The following DGAT2L6 variants were observed in gnomAD, a reference collection of about 807,000 sequenced individuals.
The protein encoded by DGAT2L6 is diacylglycerol O-acyltransferase 2-like protein 6.
DGAT2L6 carries 22 observed loss-of-function variants against 25.5 expected under a neutral mutation model. The observed-to-expected ratio is 0.86, with a 90% CI of 0.62 to 1.23. The LOEUF (loss-of-function observed/expected upper bound fraction) is 1.23, where lower values mean the gene tolerates loss of function less well. DGAT2L6 is among the 50% of genes most tolerant of loss of function. The pLI is 0.00. For synonymous variants in DGAT2L6, 100 were observed against 94.7 expected (o/e 1.06, Z -0.32); for missense variants, 287 against 253.2 (o/e 1.13, Z -0.91).
intron 1 of DGAT2L6, among the ~76,000 whole-genome samples, chrX:70,189,750 C>G (rs373762293): frequency 1.9e-4 from 21 of 111,862 alleles, no homozygotes; most frequent in African/African-American, 6.2e-4. Flanking sequence ...GTGATGTATT[C>G]TCAAATACAA....
intron 1 of DGAT2L6, among the ~76,000 whole-genome samples, chrX:70,182,062 T>C (rs955534198): frequency 4.5e-5 from 5 of 111,380 alleles, no homozygotes; most frequent in African/African-American, 1.6e-4. Flanking sequence ...CCTTCCTTCC[T>C]TCTATCTTGC....
intron 1 of DGAT2L6, among the ~76,000 whole-genome samples, chrX:70,197,431 G>A (rs959462127): frequency 8.9e-6 from 1 of 111,965 alleles, no homozygotes; most frequent in Non-Finnish European, 1.9e-5. Context: ...AAGGGGGATG[G>A]TGTTACCCAG....
chrX:70,180,907 G>A (rs187564378), intron 1 of DGAT2L6, among the ~76,000 whole-genome samples: 98 of 112,039 alleles, frequency 8.7e-4, no homozygotes, highest in African/African-American at 3.0e-3. Context: ...TGAGTTATAC[G>A]GTGCCTTGTG....
rs1020162863 is a variant in DGAT2L6, at chrX:70,205,576, C to T, written c.*470C>T. ...ACTTGGGAACTGCCACAAGGTAAACCAGGGACCTGAACTGTAGCTGCCTGG... is the reference window on the plus strand; with the variant it reads ...ACTTGGGAACTGCCACAAGGTAAACTAGGGACCTGAACTGTAGCTGCCTGG... On this transcript the variant is annotated 3_prime_UTR_variant, in exon 7 of 7. Transcript: ENST00000333026. The T allele has an allele frequency of 1.8e-5, 2 of 113,750 alleles. No individual in the cohort carries two copies. The highest frequency in any genetic ancestry group is 6.5e-5 in the African/African-American group (2 of 30,833). The allele number at this position is 113,750 out of a possible 1,213,427, so 9.4% of individuals were successfully genotyped here.
chrX:70,198,118 C>G (rs2085397337), intron 1 of DGAT2L6, among the ~76,000 whole-genome samples: 1 of 112,522 alleles, frequency 8.9e-6, no homozygotes, highest in African/African-American at 3.2e-5. Flanking sequence ...GACATGGTAC[C>G]TGGTCAAAGA....
intron 1 of DGAT2L6, 132 bp from the exon 2 acceptor site, chrX:70,199,139 A>G (rs886400068): frequency 4.7e-6 from 2 of 424,506 alleles, no homozygotes; most frequent in Non-Finnish European, 8.1e-6. Flanking sequence ...GTTGGGGAAG[A>G]GGGGAGAAGG....
chrX:70,203,943 A>T (rs1012108711), intron 5 of DGAT2L6, among the ~76,000 whole-genome samples: 8 of 110,618 alleles, frequency 7.2e-5, no homozygotes, highest in Non-Finnish European at 1.5e-4. Flanking sequence ...CAAGGAGGGA[A>T]GGCTAGAGCA....
intron 4 of DGAT2L6, among the ~76,000 whole-genome samples, chrX:70,200,813 A>G (rs966155447): frequency 1.8e-5 from 2 of 112,087 alleles, no homozygotes; most frequent in African/African-American, 6.5e-5. Context: ...GGGATAGCTC[A>G]GGCGAACTTC....
intron 1 of DGAT2L6, among the ~76,000 whole-genome samples, chrX:70,179,774 G>A (rs1181336588): frequency 1.8e-5 from 2 of 109,273 alleles, no homozygotes; most frequent in Admixed American, 2.0e-4. Context: ...CGCCATGTTA[G>A]CCAAGCTGTT....
In DGAT2L6 at chrX:70,199,259, G is replaced by T. The variant is rs778811455; in HGVS notation, c.86-12G>T. Reference sequence around the variant, plus strand: ...GGGAACTGAAAGGCTTGAACCCTTTGTGTCTCCCCAGGAGCTATTCCCATT... The same window carrying T: ...GGGAACTGAAAGGCTTGAACCCTTTTTGTCTCCCCAGGAGCTATTCCCATT... On this transcript the variant is annotated splice_polypyrimidine_tract_variant and intron_variant, in intron 1 of 6. Coordinates refer to ENST00000333026, the MANE Select transcript of DGAT2L6 (RefSeq NM_198512.3). 8.8e-7 allele frequency: 1 copy of T among 1,130,972 alleles called. No homozygotes were observed. The highest frequency in any genetic ancestry group is 1.2e-6 in the Non-Finnish European group (1 of 837,163). 93.2% of individuals were successfully genotyped at this position (1,130,972 alleles called of 1,213,427 possible).
chrX:70,192,623 C>A (rs1331778517), intron 1 of DGAT2L6, among the ~76,000 whole-genome samples: 2 of 111,064 alleles, frequency 1.8e-5, no homozygotes, highest in Admixed American at 1.9e-4. Context: ...CACATCATAC[C>A]AAAACTTATA....
chrX:70,204,500 G>A lies in DGAT2L6; in HGVS notation c.843G>A (p.Arg281=). The change falls in exon 6 of 7, where the codon CGG becomes CGA. Residue 281 remains arginine (R), a synonymous_variant. Coordinates refer to ENST00000333026, the MANE Select transcript of DGAT2L6 (RefSeq NM_198512.3). The part of the protein sequence containing the change: ...RGSWGFLPFN[R]PITTVVGEPL... ...CCTGGGGCTTCCTGCCTTTCAATCGGCCCATTACCACTGTTGGTGAGCTTT... is the reference window on the plus strand; with the variant it reads ...CCTGGGGCTTCCTGCCTTTCAATCGACCCATTACCACTGTTGGTGAGCTTT... 8.3e-7 allele frequency: 1 copy of A among 1,210,439 alleles called. No homozygotes were observed.
At chrX:70,178,766 T>C (rs1271174249) in intron 1 of DGAT2L6, among the ~76,000 whole-genome samples, 1 of 112,189 alleles carries the variant, frequency 8.9e-6, no homozygotes, top group Non-Finnish European at 1.9e-5. Flanking sequence ...TTCTTTCCAC[T>C]AACCTCTAAC....
At chrX:70,185,093 T>C (rs1447906544) in intron 1 of DGAT2L6, among the ~76,000 whole-genome samples, 5 of 111,423 alleles carry the variant, frequency 4.5e-5, no homozygotes, top group Non-Finnish European at 7.5e-5. Flanking sequence ...TCCTTCAGCA[T>C]CAGGCCTAAT....
intron 5 of DGAT2L6, among the ~76,000 whole-genome samples, chrX:70,202,981 C>A (rs1276324371): frequency 8.9e-6 from 1 of 112,061 alleles, no homozygotes; most frequent in East Asian, 2.8e-4. Flanking sequence ...GGCCTCTTTG[C>A]GGTCCCTCAA....
rs1424004653 is a variant in DGAT2L6 at position 70,205,235 on chromosome X, T to G, written c.*129T>G. 3.8e-6 allele frequency: 3 copies of G among 798,369 alleles called. No homozygotes were observed. The East Asian group carries it at 1.2e-4, about 32-fold the overall frequency. The allele number at this position is 798,369 out of a possible 1,213,427, so 65.8% of individuals were successfully genotyped here. Reference sequence around the variant, plus strand: ...GAGAGGAGACCATCCAAGCCAGAAATTATTTAATAAATCAGAGTTCTAGCA... The same window carrying G: ...GAGAGGAGACCATCCAAGCCAGAAAGTATTTAATAAATCAGAGTTCTAGCA... On this transcript the variant is annotated 3_prime_UTR_variant, in exon 7 of 7. Transcript: ENST00000333026.
intron 1 of DGAT2L6, among the ~76,000 whole-genome samples, chrX:70,196,959 C>CAT (rs1413621651): frequency 8.9e-6 from 1 of 111,772 alleles, no homozygotes; most frequent in African/African-American, 3.3e-5. Context: ...TACCAATGCG[C>CAT]ATATATTAGT....
Position 70,202,888 on chromosome X carries a change from G to A in DGAT2L6, c.647+824G>A, listed in dbSNP as rs56778016. Among the ~76,000 whole-genome samples, 658 of 111,769 alleles carry A rather than the reference G, an allele frequency of 5.9e-3. 5 individuals are homozygous for A. The highest frequency in any genetic ancestry group is 0.019 in the African/African-American group (596 of 30,795). On this transcript the variant is annotated intron_variant, in intron 5 of 6. Coordinates refer to ENST00000333026, the MANE Select transcript of DGAT2L6 (RefSeq NM_198512.3). The stretch of plus-strand genomic sequence containing the variant: ...AAGTCTTTATAGGGGCTTGCAAGAC[G>A]CGGAATAATCTGGTCTATAGCTGCC...
At chrX:70,180,456 A>G (rs1378713785) in intron 1 of DGAT2L6, among the ~76,000 whole-genome samples, 1 of 111,264 alleles carries the variant, frequency 9.0e-6, no homozygotes, top group Non-Finnish European at 1.9e-5. Context: ...TCAAACAAAA[A>G]AAGTAAAAAA....
Sources: allele counts gnomAD v4.1 joint callset (sites outside exome capture counted in the v4.1 genomes callset), GRCh38; gene constraint gnomAD v4.1.1; transcripts MANE v1.5; gene names NCBI Gene and HGNC (gene_info 2026-07-23, HGNC 2026-07-21).